Variants in ANTXR2 observed in about 807,000 individuals in gnomAD.
ANTXR2 encodes ANTXR cell adhesion molecule 2, also known as anthrax toxin receptor 2.
In ANTXR2, 44 loss-of-function variants were observed where a neutral mutation model predicts 73.7. That is an observed-to-expected ratio of 0.60 (90% CI 0.47 to 0.77). ANTXR2 has a LOEUF of 0.77. ANTXR2 is among the 30% of genes least tolerant of loss of function. The pLI is 0.00. For missense variants in ANTXR2, 604 were observed against 592.5 expected (o/e 1.02, Z -0.20); for synonymous variants, 217 against 205.9 (o/e 1.05, Z -0.46).
At chr4:79,953,299 A>AG (rs200205953) in intron 16 of ANTXR2, among the ~76,000 whole-genome samples, 63 of 125,972 alleles carry the variant, frequency 5.0e-4, no homozygotes, top group African/African-American at 3.6e-3. Context: ...ATTTTCAGAT[A>AG]CATCAAAGAA....
intron 16 of ANTXR2, among the ~76,000 whole-genome samples, chr4:79,958,640 A>T (rs1056341209): frequency 6.6e-6 from 1 of 152,126 alleles, no homozygotes; most frequent in Non-Finnish European, 1.5e-5. Flanking sequence ...GAGATTAAGG[A>T]AGTAGACACT....
At chr4:80,066,521 T>C (rs1262049605) in intron 3 of ANTXR2, among the ~76,000 whole-genome samples, 4 of 152,258 alleles carry the variant, frequency 2.6e-5, no homozygotes, top group Non-Finnish European at 1.5e-5. Context: ...CCTTTTGGAA[T>C]ATTATAAATC....
intron 12 of ANTXR2, among the ~76,000 whole-genome samples, chr4:79,990,156 A>G (rs184469460): frequency 2.1e-4 from 32 of 152,152 alleles, no homozygotes; most frequent in Non-Finnish European, 3.5e-4. Context: ...GAAAGAAATA[A>G]AAGGCATCCA....
At chr4:80,068,801 A>G (rs776780706) in intron 3 of ANTXR2, among the ~76,000 whole-genome samples, 16 of 152,156 alleles carry the variant, frequency 1.1e-4, no homozygotes, top group Non-Finnish European at 1.9e-4. Context: ...AAATATATCA[A>G]TGACTATTTC....
At chr4:80,048,135 C>T (rs1050629178) in intron 7 of ANTXR2, among the ~76,000 whole-genome samples, 77 of 150,924 alleles carry the variant, frequency 5.1e-4, no homozygotes, top group African/African-American at 1.7e-3. Flanking sequence ...ATTTTTAATG[C>T]TCCAATATAC....
At chr4:79,947,459 AAAAAAAGTTTTTTATTTTG>A (rs1578103501) in intron 16 of ANTXR2, among the ~76,000 whole-genome samples, 2 of 152,244 alleles carry the variant, frequency 1.3e-5, no homozygotes, top group East Asian at 3.9e-4. Flanking sequence ...ATAGTGTTAA[AAAAAAAGTTTTTTATTTTG>A]CCCCAGCAGA....
At chr4:80,039,438 G>T (rs1733130497) in intron 7 of ANTXR2, among the ~76,000 whole-genome samples, 1 of 151,892 alleles carries the variant, frequency 6.6e-6, no homozygotes, top group Non-Finnish European at 1.5e-5. Context: ...TTCTCACCAA[G>T]TAATTATACA....
chr4:79,926,285 C>A (rs1291614008), intron 16 of ANTXR2, among the ~76,000 whole-genome samples: 4 of 152,074 alleles, frequency 2.6e-5, no homozygotes, highest in African/African-American at 4.8e-5. Flanking sequence ...ACATAGCAAT[C>A]CCAACCATTT....
chr4:79,936,428 G>C (rs1238402859), intron 16 of ANTXR2, among the ~76,000 whole-genome samples: 4 of 152,098 alleles, frequency 2.6e-5, no homozygotes, highest in African/African-American at 9.7e-5. Context: ...CTCTGCTTAG[G>C]TACTTCCTAT....
chr4:80,040,897 A>G (rs1733211370), intron 7 of ANTXR2, among the ~76,000 whole-genome samples: 1 of 152,096 alleles, frequency 6.6e-6, no homozygotes. Context: ...TATATACCTT[A>G]TTACCTAATC....
At chr4:79,913,742 T>C (rs1727238307) in intron 16 of ANTXR2, among the ~76,000 whole-genome samples, 1 of 152,158 alleles carries the variant, frequency 6.6e-6, no homozygotes, top group Non-Finnish European at 1.5e-5. Flanking sequence ...TTTTTCATAG[T>C]GTAAACCACG....
At chr4:80,069,608 G>T in intron 2 of ANTXR2, 101 bp from the exon 3 acceptor site, 1 of 867,178 alleles carries the variant, frequency 1.2e-6, no homozygotes, top group Non-Finnish European at 1.8e-6. Flanking sequence ...TGGTCTCACT[G>T]AATGGTCCAG....
At chr4:79,926,410 A>C (rs780064011) in intron 16 of ANTXR2, among the ~76,000 whole-genome samples, 2 of 152,146 alleles carry the variant, frequency 1.3e-5, no homozygotes, top group Admixed American at 1.3e-4. Flanking sequence ...CAAAGTTTCC[A>C]TCTAGCAGGT....
At position 79,988,842 on chromosome 4, in the gene ANTXR2, C is replaced by T. The variant is rs565813953; in HGVS notation, c.1042-3979G>A. On this transcript the variant is annotated intron_variant, in intron 12 of 16. Coordinates refer to ENST00000403729, the MANE Select transcript of ANTXR2 (RefSeq NM_058172.6). ...AAATAGAAATCAATACCAAGAAGAGCTCTCAAAACCATACAATTACATGGA... is the reference window on the plus strand; with the variant it reads ...AAATAGAAATCAATACCAAGAAGAGTTCTCAAAACCATACAATTACATGGA... 3.3e-5 allele frequency among the ~76,000 whole-genome samples: 5 copies of T among 152,138 alleles called. No individual in the cohort carries two copies. The East Asian group carries it at 7.7e-4, about 23-fold the overall frequency.
At chr4:80,019,341 C>T (rs556902742) in intron 10 of ANTXR2, among the ~76,000 whole-genome samples, 4 of 152,108 alleles carry the variant, frequency 2.6e-5, no homozygotes, top group African/African-American at 9.6e-5. Context: ...CACTCCAGCC[C>T]GGGCCGACAA....
intron 16 of ANTXR2, among the ~76,000 whole-genome samples, chr4:79,922,477 T>C (rs1224749225): frequency 1.3e-5 from 2 of 152,090 alleles, no homozygotes; most frequent in Admixed American, 6.6e-5. Context: ...TCTAGAGATA[T>C]AATTAATCCC....
Position 79,904,112 on chromosome 4 carries a change from A to T in ANTXR2, c.*3317T>A, listed in dbSNP as rs982397931. 1.0e-5 allele frequency: 1 copy of T among 99,758 alleles called. No homozygotes were observed. Among genetic ancestry groups the T allele is most frequent in the African/African-American group, 3.7e-5 (1 of 27,280 alleles). The allele number at this position is 99,758 out of a possible 1,614,324, so 6.2% of individuals were successfully genotyped here. A position where few individuals can be genotyped will look rare whatever the true frequency, so the allele number is the denominator to read the frequency against. On this transcript the variant is annotated 3_prime_UTR_variant, in exon 17 of 17. Transcript: ENST00000403729. ...TATCCACAATATAGAATTTGTTTCA[A>T]CTTTAAACTAAACAAATGTATCTGC... is the stretch of plus-strand genomic sequence containing the variant.
At position 79,986,117 on chromosome 4, in the gene ANTXR2, C is replaced by G. The variant is rs375149387; in HGVS notation, c.1042-1254G>C. ...CCTCGGCCCCCCAATACAGTTAATT[C>G]TTCACGTGAATAGAATGGGGCTTAA... On this transcript the variant is annotated intron_variant, in intron 12 of 16. Coordinates refer to ENST00000403729, the MANE Select transcript of ANTXR2 (RefSeq NM_058172.6). Among the ~76,000 whole-genome samples the G allele has an allele frequency of 9.0e-4, 137 of 152,180 alleles. 3 individuals are homozygous for G. In the South Asian group the frequency reaches 0.028, roughly 31 times the overall value.
Position 79,905,850 on chromosome 4 carries a change from C to A in ANTXR2, c.*1579G>T, listed in dbSNP as rs1726883505. The A allele has an allele frequency of 6.6e-6, 1 of 152,556 alleles. No homozygotes were observed. Among genetic ancestry groups the A allele is most frequent in the Non-Finnish European group, 1.5e-5 (1 of 68,044 alleles). 9.5% of individuals were successfully genotyped at this position (152,556 alleles called of 1,614,324 possible). On this transcript the variant is annotated 3_prime_UTR_variant, in exon 17 of 17. Transcript: ENST00000403729. ...TCTTTCCATCTTGTGCACTCACATG[C>A]CCGCCAAACATGAAATGTTCGCCTT... is the stretch of plus-strand genomic sequence containing the variant.
Sources: gnomAD v4.1 joint callset for allele counts (sites outside exome capture counted in the v4.1 genomes callset) on GRCh38, gnomAD v4.1.1 for gene constraint, MANE v1.5 for transcripts, NCBI Gene and HGNC (gene_info 2026-07-23, HGNC 2026-07-21) for gene names.